Variants in TTLL5 observed in about 807,000 individuals in gnomAD.
TTLL5 encodes the protein tubulin tyrosine ligase like 5.
A neutral mutation model predicts 168.4 loss-of-function variants in TTLL5; 132 were observed. The observed-to-expected ratio is 0.78, with a 90% CI of 0.68 to 0.91. The LOEUF (loss-of-function observed/expected upper bound fraction) is 0.91, where lower values mean the gene tolerates loss of function less well. TTLL5 is among the 40% of genes least tolerant of loss of function. The probability of loss-of-function intolerance (pLI) is 0.00; values close to 1 mark genes in which losing one functional copy is unlikely to be tolerated. For synonymous variants in TTLL5, 546 were observed against 558.6 expected (o/e 0.98, Z 0.32); for missense variants, 1,545 against 1,581.5 (o/e 0.98, Z 0.39).
intron 20 of TTLL5, among the ~76,000 whole-genome samples, chr14:75,767,163 TA>T (rs11301063): frequency 0.75 from 105,674 of 140,572 alleles, 39,427 homozygotes; most frequent in Admixed American, 0.79. Flanking sequence ...AACTCCATCT[TA>T]AAAAAAAAAA....
At chr14:75,666,566 G>T (rs1245525446) in intron 2 of TTLL5, among the ~76,000 whole-genome samples, 1 of 152,188 alleles carries the variant, frequency 6.6e-6, no homozygotes, top group Non-Finnish European at 1.5e-5. Context: ...TTATAAAGTG[G>T]GTGCTATAGG....
At chr14:75,734,072 A>G (rs1310944401) in intron 14 of TTLL5, 22 bp downstream of exon 14, 1 of 1,611,126 alleles carries the variant, frequency 6.2e-7, no homozygotes, top group Non-Finnish European at 8.5e-7. Flanking sequence ...TATTTTCTGA[A>G]CTGGACTCAC....
intron 27 of TTLL5, among the ~76,000 whole-genome samples, chr14:75,795,510 T>C (rs745482858): frequency 6.6e-6 from 1 of 152,126 alleles, no homozygotes; most frequent in Non-Finnish European, 1.5e-5. Context: ...TTCCAAGATT[T>C]TGGTGCACCT....
chr14:75,913,643 ATGAG>A (rs1236544813), intron 31 of TTLL5, among the ~76,000 whole-genome samples: 2 of 152,150 alleles, frequency 1.3e-5, no homozygotes, highest in Non-Finnish European at 2.9e-5. Context: ...GAATAGATGA[ATGAG>A]TAAATTTTCA....
At chr14:75,726,156 T>A (rs1397411426) in intron 12 of TTLL5, among the ~76,000 whole-genome samples, 1 of 152,194 alleles carries the variant, frequency 6.6e-6, no homozygotes, top group East Asian at 1.9e-4. Flanking sequence ...TAGTAATCTA[T>A]TAGGCCTTGG....
rs1320295357 is a variant in TTLL5, at chr14:75,669,407, T to A, written c.75-9T>A. 1 of 1,608,324 alleles carries A rather than the reference T, an allele frequency of 6.2e-7. No individual in the cohort carries two copies. The highest frequency in any genetic ancestry group is 8.5e-7 in the Non-Finnish European group (1 of 1,176,048). On this transcript the variant is annotated splice_polypyrimidine_tract_variant and intron_variant, in intron 2 of 31. Coordinates refer to ENST00000298832, the MANE Select transcript of TTLL5 (RefSeq NM_015072.5). The stretch of plus-strand genomic sequence containing the variant: ...CTGTAAATTAATGAAGGCTTTTTTG[T>A]CGTTATAGGGATCATCCATGCATCA...
At position 75,874,139 on chromosome 14, in the gene TTLL5, T is replaced by TGGGGTGCA. The variant is rs555692690; in HGVS notation, c.3523-8544_3523-8537dup. Among the ~76,000 whole-genome samples the TGGGGTGCA allele has an allele frequency of 6.6e-3, 1,004 of 152,322 alleles. 6 individuals carry two copies. Among genetic ancestry groups the TGGGGTGCA allele is most frequent in the Non-Finnish European group, 0.011 (733 of 68,036 alleles). On this transcript the variant is annotated intron_variant, in intron 29 of 31. Transcript: ENST00000298832. ...CAGAGTTTCACTCTATTGCCCAGGC[T>TGGGGTGCA]GGGGTGCAGTGGCTCGATCTGGGCT...
chr14:75,884,908 C>T (rs917760497), intron 30 of TTLL5, among the ~76,000 whole-genome samples: 3 of 151,070 alleles, frequency 2.0e-5, no homozygotes, highest in Non-Finnish European at 2.9e-5. Flanking sequence ...TGGTGGCTCA[C>T]GCCTGTAATC....
intron 15 of TTLL5, chr14:75,737,600 C>A (rs1256734757): frequency 2.6e-6 from 4 of 1,535,622 alleles, no homozygotes; most frequent in East Asian, 2.4e-5. Context: ...TCGTCAAAGG[C>A]CAAGCAGGTA....
intron 29 of TTLL5, among the ~76,000 whole-genome samples, chr14:75,878,953 A>T (rs1469299238): frequency 6.6e-6 from 1 of 151,466 alleles, no homozygotes; most frequent in Non-Finnish European, 1.5e-5. Flanking sequence ...ATAAATACAC[A>T]TTTGCCTATT....
intron 26 of TTLL5, among the ~76,000 whole-genome samples, chr14:75,787,072 G>A (rs1892411070): frequency 6.6e-6 from 1 of 152,120 alleles, no homozygotes; most frequent in African/African-American, 2.4e-5. Context: ...GGCAGAGGTT[G>A]AAGTGAGCCA....
intron 28 of TTLL5, among the ~76,000 whole-genome samples, chr14:75,830,036 G>A (rs1895473074): frequency 6.6e-6 from 1 of 152,214 alleles, no homozygotes; most frequent in African/African-American, 2.4e-5. Flanking sequence ...GAAATAGTGA[G>A]ATATTGGCTG....
At chr14:75,720,834 C>T (rs578135372) in intron 12 of TTLL5, 131 bp downstream of exon 12, 1 of 755,016 alleles carries the variant, frequency 1.3e-6, no homozygotes, top group Admixed American at 2.2e-5. Context: ...TTTCTAAGCT[C>T]ATGTAGCATA....
At chr14:75,783,676 G>C (rs1892191449) in intron 26 of TTLL5, 146 bp downstream of exon 26, 5 of 1,169,232 alleles carry the variant, frequency 4.3e-6, no homozygotes, top group Non-Finnish European at 5.8e-6. Context: ...GACTAAAGAA[G>C]ACTTTTGCAT....
At chr14:75,923,677 G>A (rs2033906707) in intron 31 of TTLL5, among the ~76,000 whole-genome samples, 1 of 152,212 alleles carries the variant, frequency 6.6e-6, no homozygotes. Context: ...TAAGAAGAAT[G>A]TATATTCTGT....
intron 31 of TTLL5, among the ~76,000 whole-genome samples, chr14:75,914,319 A>G (rs1395856817): frequency 2.6e-5 from 4 of 151,768 alleles, no homozygotes; most frequent in African/African-American, 2.4e-5. Context: ...TTCAATCCCT[A>G]GTAATACCCA....
At chr14:75,953,166 C>G (rs2035014388) in intron 31 of TTLL5, among the ~76,000 whole-genome samples, 1 of 152,188 alleles carries the variant, frequency 6.6e-6, no homozygotes, top group Non-Finnish European at 1.5e-5. Flanking sequence ...CATTTCTAAT[C>G]AGGAAAGTGC....
chr14:75,880,906 T>G (rs932235295), intron 29 of TTLL5, among the ~76,000 whole-genome samples: 1 of 152,076 alleles, frequency 6.6e-6, no homozygotes, highest in Non-Finnish European at 1.5e-5. Context: ...GCATCTGTCT[T>G]TGTTCCTCTT....
chr14:75,867,268 T>C (rs1226979090), intron 29 of TTLL5, among the ~76,000 whole-genome samples: 2 of 152,218 alleles, frequency 1.3e-5, no homozygotes, highest in African/African-American at 4.8e-5. Flanking sequence ...TGCAGACCCA[T>C]AGACTAGAGT....
Sources: allele counts gnomAD v4.1 joint callset (sites outside exome capture counted in the v4.1 genomes callset), GRCh38; gene constraint gnomAD v4.1.1; transcripts MANE v1.5; gene names NCBI Gene and HGNC (gene_info 2026-07-23, HGNC 2026-07-21).